SNTG2: variants seen among roughly 807,000 people sequenced by gnomAD.
SNTG2 encodes syntrophin gamma 2, also known as gamma-2-syntrophin.
Under a neutral mutation model 70.9 loss-of-function variants are expected in SNTG2, and 74 were observed. The ratio of observed to expected loss-of-function variants is 1.04; its 90% CI spans 0.86 to 1.27. SNTG2 has a LOEUF of 1.27. Ranked by LOEUF, SNTG2 falls within the 50% of genes most tolerant of loss-of-function variation. The pLI is 0.00. For synonymous variants in SNTG2, 278 were observed against 273.8 expected (o/e 1.02, Z -0.15); for missense variants, 717 against 690.7 (o/e 1.04, Z -0.43).
At chr2:1,237,501 T>A (rs1010486263) in intron 9 of SNTG2, among the ~76,000 whole-genome samples, 2 of 151,960 alleles carry the variant, frequency 1.3e-5, no homozygotes, top group Non-Finnish European at 2.9e-5. Flanking sequence ...TAGAGAAGGG[T>A]GGATGCTGAG....
At chr2:1,174,463 G>C (rs569728158) in intron 8 of SNTG2, among the ~76,000 whole-genome samples, 1 of 152,044 alleles carries the variant, frequency 6.6e-6, no homozygotes, top group Non-Finnish European at 1.5e-5. Flanking sequence ...TGGACACTTT[G>C]CCTTTGTTTT....
At chr2:1,147,988 A>G (rs538415312) in intron 6 of SNTG2, among the ~76,000 whole-genome samples, 1 of 152,204 alleles carries the variant, frequency 6.6e-6, no homozygotes, top group Non-Finnish European at 1.5e-5. Flanking sequence ...CTGTTTTTGC[A>G]TTATAAGGAC....
chr2:1,129,435 G>A (rs796674795), intron 4 of SNTG2, among the ~76,000 whole-genome samples: 34 of 152,308 alleles, frequency 2.2e-4, no homozygotes, highest in African/African-American at 8.2e-4. Flanking sequence ...CCAGGGAAAT[G>A]TGTCTCTTCT....
chr2:1,197,810 G>T (rs1249522510), intron 8 of SNTG2, among the ~76,000 whole-genome samples: 3 of 151,982 alleles, frequency 2.0e-5, no homozygotes, highest in African/African-American at 7.2e-5. Flanking sequence ...CTGGATTACA[G>T]GCATGAGCCA....
At chr2:1,008,434 CA>C (rs1051982252) in intron 1 of SNTG2, among the ~76,000 whole-genome samples, 10 of 151,794 alleles carry the variant, frequency 6.6e-5, no homozygotes, top group African/African-American at 2.2e-4. Context: ...TTGAGATGCG[CA>C]AAAAAGGGAT....
At chr2:1,049,255 C>T (rs768858472) in intron 1 of SNTG2, among the ~76,000 whole-genome samples, 1 of 152,104 alleles carries the variant, frequency 6.6e-6, no homozygotes, top group African/African-American at 2.4e-5. Context: ...GGTAGGTATC[C>T]ACCATTATAG....
intron 16 of SNTG2, among the ~76,000 whole-genome samples, chr2:1,362,450 A>G (rs72490795): frequency 0.66 from 80,672 of 122,854 alleles, 25,645 homozygotes; most frequent in East Asian, 0.88. Context: ...TAGAACTTCC[A>G]TGAAGGTCAC....
chr2:989,204 G>T lies in SNTG2; in HGVS notation c.72+38136G>T, dbSNP rs916138933. 2.0e-5 allele frequency among the ~76,000 whole-genome samples: 3 copies of T among 152,102 alleles called. 1 individual carries two copies. The highest frequency in any genetic ancestry group is 7.2e-5 in the African/African-American group (3 of 41,414). ...ATAGTGTTACTTCTTTCTCCCTAAC[G>T]TATGACTTCTTTTTTATTTTTTCCT... On this transcript the variant is annotated intron_variant, in intron 1 of 16. Transcript: ENST00000308624.
chr2:1,015,374 T>C (rs1160274162), intron 1 of SNTG2, among the ~76,000 whole-genome samples: 1 of 152,210 alleles, frequency 6.6e-6, no homozygotes, highest in Admixed American at 6.5e-5. Context: ...CACACATATA[T>C]ATTATTTTTC....
chr2:1,238,043 C>A, intron 10 of SNTG2, 26 bp downstream of exon 10: 1 of 1,589,990 alleles, frequency 6.3e-7, no homozygotes, highest in Non-Finnish European at 8.6e-7. Context: ...TTCTGAGTCT[C>A]TGCTGATGCT....
At chr2:1,266,717 A>G (rs1018763437) in intron 13 of SNTG2, among the ~76,000 whole-genome samples, 1 of 149,768 alleles carries the variant, frequency 6.7e-6, no homozygotes, top group African/African-American at 2.5e-5. Context: ...TATGATAAAC[A>G]CAAGCATCAA....
chr2:1,065,520 T>G (rs1458726673), intron 1 of SNTG2, among the ~76,000 whole-genome samples: 4 of 152,220 alleles, frequency 2.6e-5, no homozygotes, highest in Non-Finnish European at 4.4e-5. Flanking sequence ...GCTTACTGCT[T>G]ATTTTATGAA....
At position 963,298 on chromosome 2, in the gene SNTG2, TTAAAG is replaced by T. The variant is rs555091480; in HGVS notation, c.72+12233_72+12237del. Among the ~76,000 whole-genome samples the T allele has an allele frequency of 2.0e-3, 311 of 151,920 alleles. 1 individual carries two copies. The highest frequency in any genetic ancestry group is 6.8e-3 in the Middle Eastern group (2 of 294). On this transcript the variant is annotated intron_variant, in intron 1 of 16. Coordinates refer to ENST00000308624, the MANE Select transcript of SNTG2 (RefSeq NM_018968.4). ...ATGACCCAAAAAATTCAAAATTGCA[TTAAAG>T]TAGACAGAAAAAATGTGCTTCAAAC...
chr2:1,015,307 A>G (rs1352014539), intron 1 of SNTG2, among the ~76,000 whole-genome samples: 1 of 152,190 alleles, frequency 6.6e-6, no homozygotes, highest in Non-Finnish European at 1.5e-5. Context: ...TTTAGATGCC[A>G]TTAAAAATGA....
intron 14 of SNTG2, among the ~76,000 whole-genome samples, chr2:1,268,824 T>G (rs1282979857): frequency 1.3e-5 from 2 of 152,226 alleles, no homozygotes; most frequent in Non-Finnish European, 2.9e-5. Context: ...CTGCTTGTTT[T>G]CTTTAGATGA....
At chr2:1,105,880 G>T (rs1198422046) in intron 4 of SNTG2, among the ~76,000 whole-genome samples, 2 of 152,204 alleles carry the variant, frequency 1.3e-5, no homozygotes, top group Non-Finnish European at 2.9e-5. Context: ...TGGAAGATCA[G>T]CCTCCCCCGC....
At chr2:1,162,653 A>G (rs1477160533) in intron 6 of SNTG2, among the ~76,000 whole-genome samples, 1 of 152,036 alleles carries the variant, frequency 6.6e-6, no homozygotes, top group Non-Finnish European at 1.5e-5. Context: ...CAGCCCTTCC[A>G]TGTAGAAAGG....
intron 1 of SNTG2, among the ~76,000 whole-genome samples, chr2:1,057,904 G>T (rs1016038956): frequency 3.3e-5 from 5 of 152,124 alleles, no homozygotes; most frequent in African/African-American, 1.2e-4. Flanking sequence ...AGGTGGCATG[G>T]TGGCGCACAC....
At chr2:1,060,816 A>G (rs1662772292) in intron 1 of SNTG2, among the ~76,000 whole-genome samples, 1 of 152,274 alleles carries the variant, frequency 6.6e-6, no homozygotes, top group Non-Finnish European at 1.5e-5. Context: ...AATAAAAGCT[A>G]TCAATGGATT....
Sources: allele counts gnomAD v4.1 joint callset (sites outside exome capture counted in the v4.1 genomes callset), GRCh38; gene constraint gnomAD v4.1.1; transcripts MANE v1.5; gene names NCBI Gene and HGNC (gene_info 2026-07-23, HGNC 2026-07-21).